EXOC4: variants seen among roughly 807,000 people sequenced by gnomAD.
The protein encoded by EXOC4 is SEC8-like 1.
EXOC4 carries 71 observed loss-of-function variants against 107.2 expected under a neutral mutation model. That is an observed-to-expected ratio of 0.66 (90% CI 0.55 to 0.81). The LOEUF is 0.81. EXOC4 is among the 30% of genes least tolerant of loss of function. The pLI is 0.00. For synonymous variants in EXOC4, 456 were observed against 441.2 expected, an observed-to-expected ratio of 1.03 and a Z score of -0.42; for missense variants, 1,108 against 1,189.6, an observed-to-expected ratio of 0.93 and a Z score of 1.01.
chr7:133,390,899 G>C (rs1796837980), intron 7 of EXOC4, among the ~76,000 whole-genome samples: 1 of 152,172 alleles, frequency 6.6e-6, no homozygotes, highest in Non-Finnish European at 1.5e-5. Flanking sequence ...ATAAATGTTT[G>C]CTATCAAATC....
At chr7:133,858,967 A>C (rs1164820458) in intron 11 of EXOC4, among the ~76,000 whole-genome samples, 1 of 152,038 alleles carries the variant, frequency 6.6e-6, no homozygotes, top group Non-Finnish European at 1.5e-5. Context: ...CTTTGTTGCC[A>C]TCTTTTGTAG....
intron 11 of EXOC4, among the ~76,000 whole-genome samples, chr7:133,876,511 T>G (rs1798852825): frequency 6.6e-6 from 1 of 152,100 alleles, no homozygotes; most frequent in South Asian, 2.1e-4. Context: ...TCTTCTTCCT[T>G]CATTTTTCTT....
rs903376243 is a variant in EXOC4 at position 133,425,576 on chromosome 7, C to A, written c.1183-49752C>A. Among the ~76,000 whole-genome samples, 6 of 152,156 alleles carry A rather than the reference C, an allele frequency of 3.9e-5. No homozygotes were observed. In the East Asian group the frequency reaches 1.2e-3, roughly 29 times the overall value. ...TGCTGGGATTACAGGCGTGAGCCAC[C>A]ACGTCTGGCTCAAGACACTCTTATC... On this transcript the variant is annotated intron_variant, in intron 7 of 17. Coordinates refer to ENST00000253861, the MANE Select transcript of EXOC4 (RefSeq NM_021807.4).
intron 11 of EXOC4, among the ~76,000 whole-genome samples, chr7:133,879,089 G>A (rs1052672717): frequency 6.6e-6 from 1 of 152,026 alleles, no homozygotes; most frequent in African/African-American, 2.4e-5. Context: ...TTTATTAGGG[G>A]CCACAAAATG....
chr7:133,416,976 A>T (rs1048759207), intron 7 of EXOC4, among the ~76,000 whole-genome samples: 1 of 152,166 alleles, frequency 6.6e-6, no homozygotes, highest in East Asian at 1.9e-4. Flanking sequence ...AATGAAAGAC[A>T]GATGTCTAAA....
At chr7:134,036,589 A>G (rs987739832) in intron 17 of EXOC4, among the ~76,000 whole-genome samples, 5 of 152,208 alleles carry the variant, frequency 3.3e-5, no homozygotes, top group African/African-American at 1.2e-4. Context: ...CCCTGTCTCA[A>G]AAGAAAAAAA....
chr7:133,550,210 G>A (rs1341517258), intron 9 of EXOC4, among the ~76,000 whole-genome samples: 1 of 152,106 alleles, frequency 6.6e-6, no homozygotes, highest in Non-Finnish European at 1.5e-5. Context: ...AGCCCTCTGA[G>A]AGCAGGCACC....
At chr7:133,854,337 T>A (rs1035675650) in intron 11 of EXOC4, among the ~76,000 whole-genome samples, 2 of 151,754 alleles carry the variant, frequency 1.3e-5, no homozygotes, top group South Asian at 4.2e-4. Context: ...GCTTGCCACC[T>A]CTTATTGGTC....
In EXOC4 at chr7:133,922,572, C is replaced by T. The variant is rs181957687; in HGVS notation, c.2027+4834C>T. Among the ~76,000 whole-genome samples the T allele has an allele frequency of 8.5e-5, 13 of 152,148 alleles. No individual in the cohort carries two copies. The East Asian group carries it at 1.9e-3, about 23-fold the overall frequency. On this transcript the variant is annotated intron_variant, in intron 13 of 17. Transcript: ENST00000253861. ...TTTAAAAAATTTATACATGGCCGGG[C>T]GCGGTGGCTCATGCCTGTAATCCCA...
intron 3 of EXOC4, among the ~76,000 whole-genome samples, chr7:133,297,950 A>G (rs1794555621): frequency 6.6e-6 from 1 of 152,124 alleles, no homozygotes; most frequent in African/African-American, 2.4e-5. Flanking sequence ...CTCACATACG[A>G]CCTTTCTTGA....
rs2116729512 is a variant in EXOC4 at position 133,938,057 on chromosome 7, T to C, written c.2194T>C (p.Ser732Pro). 6.2e-7 allele frequency: 1 copy of C among 1,614,128 alleles called. No homozygotes were observed. The highest frequency in any genetic ancestry group is 2.2e-5 in the East Asian group (1 of 44,882). Residue 732 changes from serine to proline, a missense_variant, in exon 14 of 18, where the codon TCT (serine) becomes CCT (proline). Physicochemically the swap from Ser to Pro is moderately conservative, Grantham distance 74 (BLOSUM62 -1). Transcript: ENST00000253861. ...AACAAAGTCAGCTTTCTCCAATCTT[T>C]CTACATCCCAGAGTAAGTATCTAGT... ...SRTKSAFSNL[S>P]TSQMLSPAQD...
At chr7:133,256,141 C>G (rs924753753) in intron 1 of EXOC4, among the ~76,000 whole-genome samples, 2 of 152,138 alleles carry the variant, frequency 1.3e-5, no homozygotes, top group Non-Finnish European at 2.9e-5. Flanking sequence ...GCCACCATAC[C>G]CGACTAATGT....
At chr7:133,637,458 G>C (rs920856130) in intron 10 of EXOC4, among the ~76,000 whole-genome samples, 15 of 152,218 alleles carry the variant, frequency 9.9e-5, no homozygotes, top group Middle Eastern at 3.4e-3. Context: ...TTTTTATACA[G>C]ATGCATGTTT....
chr7:133,937,867 G>A (rs1800340182), intron 13 of EXOC4, 24 bp from the exon 14 acceptor site: 10 of 1,613,570 alleles, frequency 6.2e-6, no homozygotes, highest in Non-Finnish European at 7.6e-6. Flanking sequence ...TATATATGAA[G>A]TGTGTTTCTG....
intron 1 of EXOC4, among the ~76,000 whole-genome samples, chr7:133,265,118 G>A (rs1019040584): frequency 2.6e-5 from 4 of 152,018 alleles, no homozygotes; most frequent in Admixed American, 6.6e-5. Context: ...TTCTTGCATC[G>A]GGATGAGTAG....
chr7:133,654,645 CTCTT>C (rs1803243865), intron 10 of EXOC4, among the ~76,000 whole-genome samples: 1 of 152,104 alleles, frequency 6.6e-6, no homozygotes, highest in African/African-American at 2.4e-5. Flanking sequence ...CGCAGCAGTT[CTCTT>C]TCTTTCTTTT....
intron 10 of EXOC4, among the ~76,000 whole-genome samples, chr7:133,812,765 T>A (rs1323450846): frequency 2.0e-5 from 3 of 152,136 alleles, no homozygotes. Context: ...TAAACTCTGC[T>A]CTCTTAGTGA....
At chr7:133,310,824 A>T (rs1794854701) in intron 4 of EXOC4, among the ~76,000 whole-genome samples, 1 of 151,948 alleles carries the variant, frequency 6.6e-6, no homozygotes, top group African/African-American at 2.4e-5. Flanking sequence ...TAATGCCTGG[A>T]CTCCTTCAGC....
intron 1 of EXOC4, among the ~76,000 whole-genome samples, chr7:133,274,436 A>G (rs915293033): frequency 7.2e-5 from 11 of 152,238 alleles, no homozygotes; most frequent in Non-Finnish European, 1.0e-4. Context: ...AGGCAGCTGC[A>G]GGGCTGGCTG....
Sources: gnomAD v4.1 joint callset for allele counts (sites outside exome capture counted in the v4.1 genomes callset) on GRCh38, gnomAD v4.1.1 for gene constraint, MANE v1.5 for transcripts, NCBI Gene and HGNC (gene_info 2026-07-23, HGNC 2026-07-21) for gene names.